TBL1XR1: variants seen among roughly 807,000 people sequenced by gnomAD.
TBL1XR1 encodes F-box-like/WD repeat-containing protein TBL1XR1.
Under a neutral mutation model 66.9 loss-of-function variants are expected in TBL1XR1, and 5 were observed. The observed-to-expected ratio is 0.07, with a 90% CI of 0.04 to 0.16. The LOEUF is 0.16. Among genes scored for constraint, TBL1XR1 ranks in the 10% least tolerant of loss-of-function variants. TBL1XR1 has a pLI of 1.00. For synonymous variants in TBL1XR1, 210 were observed against 206.0 expected (o/e 1.02, Z -0.17); for missense variants, 238 against 623.2 (o/e 0.38, Z 6.58).
At chr3:177,104,116 C>CAA (rs955890570) in intron 1 of TBL1XR1, among the ~76,000 whole-genome samples, 59 of 111,184 alleles carry the variant, frequency 5.3e-4, no homozygotes, top group South Asian at 1.6e-3. Flanking sequence ...ACTCGGTCTC[C>CAA]AAAAAAAAAA....
At chr3:177,100,325 ACATTCTT>A (rs1219734890) in intron 1 of TBL1XR1, among the ~76,000 whole-genome samples, 1 of 152,204 alleles carries the variant, frequency 6.6e-6, no homozygotes, top group East Asian at 1.9e-4. Context: ...ATAACATTCT[ACATTCTT>A]AATGTCTTAA....
At chr3:177,046,257 G>T in intron 9 of TBL1XR1, 68 bp from the exon 10 acceptor site, 1 of 1,145,056 alleles carries the variant, frequency 8.7e-7, no homozygotes, top group Non-Finnish European at 1.2e-6. Context: ...TAAAGTATAT[G>T]CCTAACTGTA....
chr3:177,087,564 T>C (rs1362213865), intron 2 of TBL1XR1, among the ~76,000 whole-genome samples: 1 of 152,094 alleles, frequency 6.6e-6, no homozygotes, highest in African/African-American at 2.4e-5. Context: ...TCAAAAGATA[T>C]AACTAAAATT....
intron 2 of TBL1XR1, among the ~76,000 whole-genome samples, chr3:177,068,567 T>C (rs554540566): frequency 3.3e-5 from 5 of 152,336 alleles, no homozygotes; most frequent in African/African-American, 1.2e-4. Context: ...GCTGAATATG[T>C]ACAGCATTTT....
At chr3:177,062,291 T>C (rs935714222) in intron 3 of TBL1XR1, among the ~76,000 whole-genome samples, 1 of 152,252 alleles carries the variant, frequency 6.6e-6, no homozygotes, top group Non-Finnish European at 1.5e-5. Context: ...ATATTGTGAA[T>C]ATGCTAAATG....
intron 1 of TBL1XR1, among the ~76,000 whole-genome samples, chr3:177,161,280 G>C (rs376828690): frequency 2.0e-4 from 30 of 152,148 alleles, no homozygotes; most frequent in African/African-American, 7.0e-4. Context: ...CTTTTAGCTA[G>C]TTTACATGCT....
upstream of TBL1XR1, among the ~76,000 whole-genome samples, chr3:177,198,865 G>GACACACACAC (rs57636923): frequency 6.1e-5 from 9 of 148,088 alleles, no homozygotes; most frequent in Non-Finnish European, 1.0e-4. Flanking sequence ...GAAGTTTTGC[G>GACACACACAC]ACACACACAC....
At chr3:177,152,586 C>T (rs570782914) in intron 1 of TBL1XR1, among the ~76,000 whole-genome samples, 8 of 152,134 alleles carry the variant, frequency 5.3e-5, no homozygotes, top group Non-Finnish European at 7.4e-5. Flanking sequence ...CCATGGTGCC[C>T]GGCCGCCCTA....
intron 1 of TBL1XR1, among the ~76,000 whole-genome samples, chr3:177,160,718 A>G (rs1732088289): frequency 6.6e-6 from 1 of 152,132 alleles, no homozygotes; most frequent in Non-Finnish European, 1.5e-5. Flanking sequence ...ATTCTAGCCC[A>G]GGCGTGGTGG....
chr3:177,097,340 C>T (rs946509293), intron 2 of TBL1XR1, among the ~76,000 whole-genome samples: 2 of 151,418 alleles, frequency 1.3e-5, no homozygotes, highest in African/African-American at 4.9e-5. Flanking sequence ...TTTATTTATC[C>T]CCAAAATACA....
intron 10 of TBL1XR1, among the ~76,000 whole-genome samples, chr3:177,042,655 A>G (rs548729673): frequency 6.6e-6 from 1 of 150,448 alleles, no homozygotes; most frequent in South Asian, 2.1e-4. Context: ...TATCTAACAT[A>G]AAAAAAAATT....
chr3:177,064,467 T>C (rs116687173), intron 3 of TBL1XR1, among the ~76,000 whole-genome samples: 1 of 152,310 alleles, frequency 6.6e-6, no homozygotes, highest in Non-Finnish European at 1.5e-5. Context: ...ATTACAATAA[T>C]AACAATTCAG....
chr3:177,051,767 A>G, intron 4 of TBL1XR1, 41 bp from the exon 5 acceptor site: 4 of 1,475,182 alleles, frequency 2.7e-6, no homozygotes, highest in South Asian at 1.4e-5. Context: ...ATCAAAGGCA[A>G]TATTTAAAGT....
intron 1 of TBL1XR1, among the ~76,000 whole-genome samples, chr3:177,170,440 C>T (rs1168873903): frequency 6.6e-6 from 1 of 152,170 alleles, no homozygotes; most frequent in Non-Finnish European, 1.5e-5. Flanking sequence ...TTGCTCTACA[C>T]TCCACCTGGC....
chr3:177,039,108 T>C (rs1274851136), intron 10 of TBL1XR1, among the ~76,000 whole-genome samples: 5 of 152,200 alleles, frequency 3.3e-5, no homozygotes, highest in Admixed American at 3.3e-4. Flanking sequence ...CTGGCTATAT[T>C]ATAAGGTATA....
At chr3:177,146,146 T>C (rs1730212161) in intron 1 of TBL1XR1, among the ~76,000 whole-genome samples, 1 of 152,204 alleles carries the variant, frequency 6.6e-6, no homozygotes, top group Non-Finnish European at 1.5e-5. Flanking sequence ...CAGTACCTGA[T>C]ATGCAGCTAT....
intron 1 of TBL1XR1, among the ~76,000 whole-genome samples, chr3:177,159,552 GTTT>G (rs1731920773): frequency 6.6e-6 from 1 of 152,128 alleles, no homozygotes; most frequent in East Asian, 1.9e-4. Flanking sequence ...AGCAGCATGA[GTTT>G]TTATATCCAT....
Position 177,113,243 on chromosome 3 carries a change from A to AT in TBL1XR1, c.-121-14703dup, listed in dbSNP as rs1446411434. Among the ~76,000 whole-genome samples, 3 of 152,210 alleles carry AT rather than the reference A, an allele frequency of 2.0e-5. No homozygotes were observed. In the East Asian group the frequency reaches 5.8e-4, roughly 29 times the overall value. Reference sequence around the variant, plus strand: ...AAAAAAATGGATTAAAGACTTAAGCATAAGACTCAAAACTAGAAAATTACT... The same window carrying AT: ...AAAAAAATGGATTAAAGACTTAAGCATTAAGACTCAAAACTAGAAAATTACT... On this transcript the variant is annotated intron_variant, in intron 1 of 15. Transcript: ENST00000457928.
At chr3:177,141,929 GTATAT>G (rs1560221643) in intron 1 of TBL1XR1, among the ~76,000 whole-genome samples, 1 of 152,214 alleles carries the variant, frequency 6.6e-6, no homozygotes, top group African/African-American at 2.4e-5. Flanking sequence ...GTTATGCTAA[GTATAT>G]TAAGGTAGTT....
Sources: allele counts gnomAD v4.1 joint callset (sites outside exome capture counted in the v4.1 genomes callset), GRCh38; gene constraint gnomAD v4.1.1; transcripts MANE v1.5; gene names NCBI Gene and HGNC (gene_info 2026-07-23, HGNC 2026-07-21).